Variants in CADPS2 observed in about 807,000 individuals in gnomAD.
CADPS2 encodes calcium dependent secretion activator 2, also known as calcium-dependent secretion activator 2.
Under a neutral mutation model 172.5 loss-of-function variants are expected in CADPS2, and 93 were observed. That is an observed-to-expected ratio of 0.54 (90% CI 0.46 to 0.64). The LOEUF is 0.64. CADPS2 is among the 30% of genes least tolerant of loss of function. The probability of loss-of-function intolerance (pLI) is 0.00; values close to 1 mark genes in which losing one functional copy is unlikely to be tolerated. For synonymous variants in CADPS2, 546 were observed against 555.2 expected, an observed-to-expected ratio of 0.98 and a Z score of 0.23; for missense variants, 1,420 against 1,565.9, an observed-to-expected ratio of 0.91 and a Z score of 1.57.
intron 3 of CADPS2, among the ~76,000 whole-genome samples, chr7:122,646,151 C>T (rs2078529090): frequency 2.0e-5 from 3 of 151,920 alleles, no homozygotes; most frequent in Admixed American, 2.0e-4. Flanking sequence ...CAAAAACTGT[C>T]CTAAATTTTT....
intron 2 of CADPS2, among the ~76,000 whole-genome samples, chr7:122,667,723 A>G (rs1020515825): frequency 3.3e-5 from 5 of 152,168 alleles, no homozygotes; most frequent in African/African-American, 1.2e-4. Flanking sequence ...AGAGGAGAGG[A>G]GCACAGGGCA....
At chr7:122,585,202 T>C (rs947680257) in intron 6 of CADPS2, among the ~76,000 whole-genome samples, 4 of 152,122 alleles carry the variant, frequency 2.6e-5, no homozygotes, top group Admixed American at 1.3e-4. Flanking sequence ...AGGGGGTGCA[T>C]AAATAGTTAT....
At chr7:122,650,670 C>T (rs1356261710) in intron 3 of CADPS2, among the ~76,000 whole-genome samples, 1 of 152,126 alleles carries the variant, frequency 6.6e-6, no homozygotes, top group African/African-American at 2.4e-5. Flanking sequence ...AACTCTTCCA[C>T]ATGTAAGCCA....
rs73717659 is a variant in CADPS2, at chr7:122,515,628, T to C, written c.1476-2313A>G. 7.8e-3 allele frequency among the ~76,000 whole-genome samples: 1,180 copies of C among 152,114 alleles called. 16 individuals carry two copies. The highest frequency in any genetic ancestry group is 0.027 in the African/African-American group (1,141 of 41,508). ...TCCAAGTGTCTCACTTTGCAGACTGTTGGGCAACTGGGTCATATACAAGTG... is the reference window on the plus strand; with the variant it reads ...TCCAAGTGTCTCACTTTGCAGACTGCTGGGCAACTGGGTCATATACAAGTG... On this transcript the variant is annotated intron_variant, in intron 8 of 29. Transcript: ENST00000449022.
chr7:122,570,718 T>C (rs1433992420), intron 7 of CADPS2, among the ~76,000 whole-genome samples: 1 of 151,698 alleles, frequency 6.6e-6, no homozygotes, highest in Non-Finnish European at 1.5e-5. Flanking sequence ...AAATGATGAG[T>C]TCATGTCCTT....
At chr7:122,346,522 A>G (rs1563115326) in intron 27 of CADPS2, among the ~76,000 whole-genome samples, 1 of 152,370 alleles carries the variant, frequency 6.6e-6, no homozygotes, top group East Asian at 1.9e-4. Context: ...GAAAATATTT[A>G]CTATATTACA....
Position 122,681,367 on chromosome 7 carries a change from T to C in CADPS2, c.454-17798A>G. 2.0e-6 allele frequency: 3 copies of C among 1,496,808 alleles called. No individual in the cohort carries two copies. In the Admixed American group the frequency reaches 5.0e-5, roughly 25 times the overall value. 92.7% of individuals were successfully genotyped at this position (1,496,808 alleles called of 1,614,324 possible). A position where few individuals can be genotyped will look rare whatever the true frequency, so the allele number is the denominator to read the frequency against. On this transcript the variant is annotated intron_variant, in intron 2 of 29. Transcript: ENST00000449022. ...CGTGCCAAAAAGGGCCGCGGCCACGTGCAACCTGTTCGCTGTACTAACTGT... is the reference window on the plus strand; with the variant it reads ...CGTGCCAAAAAGGGCCGCGGCCACGCGCAACCTGTTCGCTGTACTAACTGT...
chr7:122,325,415 G>T, intron 29 of CADPS2, 62 bp downstream of exon 29: 1 of 1,036,364 alleles, frequency 9.6e-7, no homozygotes, highest in Non-Finnish European at 1.5e-6. Flanking sequence ...TTGTATGTCA[G>T]TATCTTGCCA....
chr7:122,489,697 C>T (rs1168604730), intron 11 of CADPS2, among the ~76,000 whole-genome samples: 1 of 152,066 alleles, frequency 6.6e-6, no homozygotes, highest in Non-Finnish European at 1.5e-5. Flanking sequence ...AATGGTTCAT[C>T]ATTTTGGTAT....
At chr7:122,701,648 A>G (rs1410048119) in intron 2 of CADPS2, 5 of 424,872 alleles carry the variant, frequency 1.2e-5, no homozygotes, top group African/African-American at 1.0e-4. Flanking sequence ...CTGATTAGAA[A>G]GACAAGAAGT....
intron 27 of CADPS2, among the ~76,000 whole-genome samples, chr7:122,356,687 T>C (rs1008251559): frequency 4.6e-5 from 7 of 152,208 alleles, no homozygotes; most frequent in African/African-American, 1.7e-4. Context: ...TATGGACCAA[T>C]GGATATTTAT....
Position 122,815,644 on chromosome 7 carries a change from C to T in CADPS2, c.339+70355G>A, listed in dbSNP as rs148319918. Among the ~76,000 whole-genome samples, 55 of 152,004 alleles carry T rather than the reference C, an allele frequency of 3.6e-4. No homozygotes were observed. The East Asian group carries it at 8.7e-3, about 24-fold the overall frequency. ...AAAAAAAATTCAAAATATATTGCAG[C>T]GAAACGTTAGACATCGACAAAGCTG... On this transcript the variant is annotated intron_variant, in intron 1 of 29. Coordinates refer to ENST00000449022, the MANE Select transcript of CADPS2 (RefSeq NM_017954.11).
intron 2 of CADPS2, among the ~76,000 whole-genome samples, chr7:122,732,955 T>C (rs2091829795): frequency 7.0e-6 from 1 of 142,662 alleles, no homozygotes; most frequent in Non-Finnish European, 1.5e-5. Flanking sequence ...CAGAAATGGC[T>C]ATCACAGCTA....
intron 2 of CADPS2, among the ~76,000 whole-genome samples, chr7:122,721,945 T>C (rs1376798190): frequency 6.6e-6 from 1 of 152,040 alleles, no homozygotes; most frequent in Non-Finnish European, 1.5e-5. Context: ...AAAAAACACA[T>C]GATTATCTCA....
intron 29 of CADPS2, among the ~76,000 whole-genome samples, chr7:122,320,572 A>T (rs540024545): frequency 2.6e-5 from 4 of 152,316 alleles, no homozygotes; most frequent in African/African-American, 9.6e-5. Context: ...TTACTATCAG[A>T]TGACAAATTC....
intron 8 of CADPS2, among the ~76,000 whole-genome samples, chr7:122,534,205 A>C (rs985420051): frequency 3.9e-5 from 6 of 152,248 alleles, no homozygotes; most frequent in African/African-American, 1.2e-4. Context: ...TCTAAACTCT[A>C]GACAACTTTA....
At chr7:122,866,175 C>A (rs1304725944) in intron 1 of CADPS2, among the ~76,000 whole-genome samples, 1 of 152,072 alleles carries the variant, frequency 6.6e-6, no homozygotes, top group Non-Finnish European at 1.5e-5. Context: ...CATTTTTAAC[C>A]ATGTTATAAT....
At chr7:122,787,803 T>G (rs1377735272) in intron 1 of CADPS2, among the ~76,000 whole-genome samples, 1 of 152,224 alleles carries the variant, frequency 6.6e-6, no homozygotes, top group Non-Finnish European at 1.5e-5. Context: ...CATCCTTCTT[T>G]ACTCACAAAA....
At chr7:122,606,724 C>G (rs984632152) in intron 6 of CADPS2, among the ~76,000 whole-genome samples, 1 of 151,984 alleles carries the variant, frequency 6.6e-6, no homozygotes, top group Non-Finnish European at 1.5e-5. Flanking sequence ...CTGAGCCATA[C>G]TATTGTGGCT....
Sources: gnomAD v4.1 joint callset for allele counts (sites outside exome capture counted in the v4.1 genomes callset) on GRCh38, gnomAD v4.1.1 for gene constraint, MANE v1.5 for transcripts, NCBI Gene and HGNC (gene_info 2026-07-23, HGNC 2026-07-21) for gene names.